The following STARD13 variants were observed in gnomAD, a reference collection of about 807,000 sequenced individuals.
STARD13 encodes StAR related lipid transfer domain containing 13.
In STARD13, 62 loss-of-function variants were observed where a neutral mutation model predicts 106.4. The observed-to-expected ratio is 0.58, with a 90% CI of 0.48 to 0.72. The LOEUF is 0.72. Among genes scored for constraint, STARD13 ranks in the 30% least tolerant of loss-of-function variants. The pLI is 0.00. For missense variants in STARD13, 1,387 were observed against 1,424.0 expected (o/e 0.97, Z 0.42); for synonymous variants, 565 against 553.0 (o/e 1.02, Z -0.31).
the STARD13 span, among the ~76,000 whole-genome samples, chr13:33,564,556 C>A: frequency 6.8e-6 from 1 of 146,240 alleles, no homozygotes; most frequent in African/African-American, 2.6e-5. Context: ...GAAAAATCAA[C>A]TTATTAAAGA....
intron 1 of STARD13, among the ~76,000 whole-genome samples, chr13:33,251,199 T>C (rs946366078): frequency 3.9e-4 from 59 of 152,182 alleles, no homozygotes; most frequent in African/African-American, 1.3e-3. Context: ...GGGGAGATGA[T>C]GCTGCACAAA....
the STARD13 span, among the ~76,000 whole-genome samples, chr13:33,662,261 CA>C: frequency 4.1e-3 from 508 of 124,556 alleles, 1 homozygote; most frequent in East Asian, 0.024. Flanking sequence ...GACCCCGTCT[CA>C]AAAAAAAAAA....
At chr13:33,507,730 G>A in the STARD13 span, among the ~76,000 whole-genome samples, 1 of 152,056 alleles carries the variant, frequency 6.6e-6, no homozygotes, top group Admixed American at 6.6e-5. Flanking sequence ...ATAAATAGCT[G>A]ACAAGCACAT....
At chr13:33,343,940 G>C (rs1202696783), downstream of STARD13, among the ~76,000 whole-genome samples, 1 of 152,028 alleles carries the variant, frequency 6.6e-6, no homozygotes, top group Non-Finnish European at 1.5e-5. Context: ...AGGCACGACT[G>C]ATCTTTTTTT....
At chr13:33,542,776 C>G in the STARD13 span, among the ~76,000 whole-genome samples, 1 of 152,228 alleles carries the variant, frequency 6.6e-6, no homozygotes, top group Non-Finnish European at 1.5e-5. Context: ...GATCCGGTGA[C>G]GCCTCTTCCC....
At chr13:33,290,641 T>G (rs1892257181), upstream of STARD13, among the ~76,000 whole-genome samples, 1 of 152,252 alleles carries the variant, frequency 6.6e-6, no homozygotes, top group African/African-American at 2.4e-5. Context: ...ACTTTGTCTC[T>G]CAGCCCTCCC....
At chr13:33,543,178 C>T in the STARD13 span, among the ~76,000 whole-genome samples, 1 of 152,126 alleles carries the variant, frequency 6.6e-6, no homozygotes, top group Non-Finnish European at 1.5e-5. Flanking sequence ...GACTGGGACC[C>T]TGTATTAATT....
chr13:33,263,756 T>G (rs1566105969), intron 1 of STARD13, among the ~76,000 whole-genome samples: 1 of 152,202 alleles, frequency 6.6e-6, no homozygotes, highest in Non-Finnish European at 1.5e-5. Context: ...AGTTGGAGCA[T>G]TCAGTCAAAT....
rs573222799 is a variant in STARD13 at position 33,269,740 on chromosome 13, A to G, written c.169+15730T>C. On this transcript the variant is annotated intron_variant, in intron 1 of 13. Coordinates refer to ENST00000336934, the MANE Select transcript of STARD13 (RefSeq NM_178006.4). The stretch of plus-strand genomic sequence containing the variant: ...AAGGTGAAACAATATTTATAAGCTG[A>G]GTAAAAATACAAAGTATAATTCTTG... Among the ~76,000 whole-genome samples the G allele has an allele frequency of 2.0e-5, 3 of 152,342 alleles. No individual in the cohort carries two copies. The East Asian group carries it at 5.8e-4, about 29-fold the overall frequency.
At chr13:33,359,274 G>A in the STARD13 span, among the ~76,000 whole-genome samples, 5 of 151,970 alleles carry the variant, frequency 3.3e-5, no homozygotes, top group South Asian at 2.1e-4. Flanking sequence ...GCGAGACCAC[G>A]AGCCCACCGG....
the STARD13 span, among the ~76,000 whole-genome samples, chr13:33,676,338 A>G: frequency 5.3e-5 from 8 of 152,178 alleles, no homozygotes; most frequent in East Asian, 1.3e-3. Flanking sequence ...CCCCCTTTCA[A>G]CTGGCAAGGA....
chr13:33,625,431 G>A, the STARD13 span, among the ~76,000 whole-genome samples: 18,231 of 151,664 alleles, frequency 0.12, 2,750 homozygotes, highest in African/African-American at 0.36. Context: ...TTAGCTGGGT[G>A]TGGTGGCACA....
the STARD13 span, among the ~76,000 whole-genome samples, chr13:33,513,694 GC>G: frequency 1.3e-5 from 2 of 151,850 alleles, no homozygotes; most frequent in Non-Finnish European, 2.9e-5. Flanking sequence ...TTCATGCTAT[GC>G]CATTATGTAT....
chr13:33,251,197 G>A (rs914931534), intron 1 of STARD13, among the ~76,000 whole-genome samples: 13 of 152,164 alleles, frequency 8.5e-5, no homozygotes, highest in African/African-American at 2.9e-4. Context: ...GGGGGGAGAT[G>A]ATGCTGCACA....
At chr13:33,421,901 C>A in the STARD13 span, among the ~76,000 whole-genome samples, 1 of 152,184 alleles carries the variant, frequency 6.6e-6, no homozygotes, top group Non-Finnish European at 1.5e-5. Context: ...AACTTCCCTT[C>A]ATGCTAAAAA....
At chr13:33,462,537 C>T in the STARD13 span, among the ~76,000 whole-genome samples, 1 of 152,174 alleles carries the variant, frequency 6.6e-6, no homozygotes, top group Non-Finnish European at 1.5e-5. Context: ...GCAAGGAAGC[C>T]AGTCCAAGTC....
chr13:33,424,689 C>A, the STARD13 span, among the ~76,000 whole-genome samples: 5 of 151,996 alleles, frequency 3.3e-5, no homozygotes, highest in Non-Finnish European at 7.4e-5. Flanking sequence ...TCTTTAATGG[C>A]CAGACAAATT....
chr13:33,329,792 C>T (rs2138555598), intron 1 of STARD13, among the ~76,000 whole-genome samples: 1 of 151,838 alleles, frequency 6.6e-6, no homozygotes, highest in South Asian at 2.1e-4. Context: ...CAACCTCCAC[C>T]TCCCGGGTCC....
At chr13:33,465,022 T>G in the STARD13 span, among the ~76,000 whole-genome samples, 3 of 152,124 alleles carry the variant, frequency 2.0e-5, no homozygotes, top group African/African-American at 7.2e-5. Flanking sequence ...CCTTGATTCT[T>G]TCCTTCAGTT....
Sources: allele counts gnomAD v4.1 joint callset (sites outside exome capture counted in the v4.1 genomes callset), GRCh38; gene constraint gnomAD v4.1.1; transcripts MANE v1.5; gene names NCBI Gene and HGNC (gene_info 2026-07-23, HGNC 2026-07-21).